Variants in CEP128 observed in about 807,000 individuals in gnomAD.
CEP128 encodes the protein centrosomal protein 128kDa.
In CEP128, 132 loss-of-function variants were observed where a neutral mutation model predicts 156.7. The observed-to-expected ratio is 0.84, with a 90% CI of 0.73 to 0.97. The LOEUF (loss-of-function observed/expected upper bound fraction) is 0.97. Among genes scored for constraint, CEP128 ranks in the 50% least tolerant of loss-of-function variants. CEP128 has a pLI of 0.00. For missense variants in CEP128, 1,252 were observed against 1,281.9 expected (o/e 0.98, Z 0.36); for synonymous variants, 469 against 448.9 (o/e 1.04, Z -0.57).
intron 18 of CEP128, among the ~76,000 whole-genome samples, chr14:80,755,726 G>T (rs1216110451): frequency 2.6e-5 from 4 of 152,158 alleles, no homozygotes; most frequent in Non-Finnish European, 5.9e-5. Context: ...GAGCTGTCCA[G>T]TCATAGTTCA....
At chr14:80,803,631 A>G (rs1448385286) in intron 13 of CEP128, among the ~76,000 whole-genome samples, 3 of 152,280 alleles carry the variant, frequency 2.0e-5, no homozygotes, top group South Asian at 2.1e-4. Flanking sequence ...GGGAAGAGAA[A>G]AAAGATCAAC....
At position 80,644,117 on chromosome 14, in the gene CEP128, G is replaced by A. The variant is rs143997793; in HGVS notation, c.2807-63694C>T. 1.2e-3 allele frequency among the ~76,000 whole-genome samples: 186 copies of A among 152,284 alleles called. 4 individuals carry two copies. In the Middle Eastern group the frequency reaches 0.024, roughly 19 times the overall value. The stretch of plus-strand genomic sequence containing the variant: ...AGCCAAGTAACGCTAAAGATTGCCA[G>A]CCACCACCAAAAGCTGAGACAAAGA... On this transcript the variant is annotated intron_variant, in intron 19 of 24. Transcript: ENST00000555265.
chr14:80,915,531 C>G (rs1407083682), intron 3 of CEP128, among the ~76,000 whole-genome samples: 1 of 151,946 alleles, frequency 6.6e-6, no homozygotes, highest in East Asian at 1.9e-4. Context: ...TCTTTTTTTC[C>G]CCTATAGCTG....
chr14:80,681,347 T>C (rs996551741), intron 19 of CEP128, among the ~76,000 whole-genome samples: 2 of 151,992 alleles, frequency 1.3e-5, no homozygotes, highest in Non-Finnish European at 2.9e-5. Context: ...CCACGAAAAA[T>C]CTGAATGTAG....
intron 19 of CEP128, among the ~76,000 whole-genome samples, chr14:80,619,689 C>G (rs1297437885): frequency 7.8e-6 from 1 of 128,230 alleles, no homozygotes; most frequent in Non-Finnish European, 1.6e-5. Flanking sequence ...GCAACAAGAG[C>G]AAAACTCTGT....
intron 3 of CEP128, among the ~76,000 whole-genome samples, chr14:80,914,994 T>A (rs1230765823): frequency 2.0e-5 from 3 of 152,206 alleles, no homozygotes; most frequent in Non-Finnish European, 4.4e-5. Context: ...CAAGAATTCA[T>A]ACTACAAAAT....
chr14:80,687,495 T>C (rs1039261880), intron 19 of CEP128, among the ~76,000 whole-genome samples: 3 of 151,994 alleles, frequency 2.0e-5, no homozygotes, highest in African/African-American at 7.2e-5. Context: ...GAAAACCAAA[T>C]ACCTCATATT....
chr14:80,696,193 A>C (rs1391096147), intron 19 of CEP128, among the ~76,000 whole-genome samples: 1 of 152,246 alleles, frequency 6.6e-6, no homozygotes, highest in African/African-American at 2.4e-5. Context: ...GAGACCGGAA[A>C]GACCTGCAAG....
At chr14:80,628,575 C>T (rs992509153) in intron 19 of CEP128, among the ~76,000 whole-genome samples, 8 of 152,162 alleles carry the variant, frequency 5.3e-5, no homozygotes, top group Admixed American at 2.6e-4. Context: ...TCCTAAAAAG[C>T]GTCCGCACAA....
At chr14:80,663,509 T>A (rs1003115370) in intron 19 of CEP128, among the ~76,000 whole-genome samples, 2 of 152,166 alleles carry the variant, frequency 1.3e-5, no homozygotes, top group Non-Finnish European at 2.9e-5. Context: ...GATCTGATAA[T>A]TTGCTATTTT....
chr14:80,637,028 G>A (rs1377484765), intron 19 of CEP128, among the ~76,000 whole-genome samples: 3 of 151,776 alleles, frequency 2.0e-5, no homozygotes, highest in Non-Finnish European at 4.4e-5. Flanking sequence ...GGAGGTTGTG[G>A]TGAGCCAAGA....
At chr14:80,531,162 T>C (rs915073946) in intron 21 of CEP128, among the ~76,000 whole-genome samples, 1 of 152,234 alleles carries the variant, frequency 6.6e-6, no homozygotes, top group Non-Finnish European at 1.5e-5. Context: ...TGATATGCTA[T>C]GAAACTTTCT....
In CEP128 at chr14:80,637,087, T is replaced by TA. The variant is rs1042460919; in HGVS notation, c.2807-56665dup. The stretch of plus-strand genomic sequence containing the variant: ...GACATCAAGAGCGAAACTCCGTCTT[T>TA]AAAAAAAAAAAAAAGAAAAGAAAAT... On this transcript the variant is annotated intron_variant, in intron 19 of 24. Transcript: ENST00000555265. 1.6e-3 allele frequency among the ~76,000 whole-genome samples: 195 copies of TA among 123,354 alleles called. 1 individual carries two copies. Among genetic ancestry groups the TA allele is most frequent in the Middle Eastern group, 3.9e-3 (1 of 256 alleles). The allele number at this position is 123,354 out of a possible 152,430, so 80.9% of individuals were successfully genotyped here.
chr14:80,514,685 G>A (rs934532016), intron 23 of CEP128: 3 of 414,858 alleles, frequency 7.2e-6, no homozygotes, highest in Non-Finnish European at 1.5e-5. Flanking sequence ...TCTCTGAAAG[G>A]TCACATATTT....
At position 80,693,498 on chromosome 14, in the gene CEP128, T is replaced by TGATTTTG. The variant is rs1367236185; in HGVS notation, c.2806+49576_2806+49577insCAAAATC. Among the ~76,000 whole-genome samples the TGATTTTG allele has an allele frequency of 1.5e-3, 226 of 152,278 alleles. 1 individual carries two copies. The highest frequency in any genetic ancestry group is 5.1e-3 in the African/African-American group (213 of 41,564). ...ATCTCAATCAAAATCTAATTTTTCC[T>TGATTTTG]ATATTAAACTTAATTTGAAAATTAA... On this transcript the variant is annotated intron_variant, in intron 19 of 24. Coordinates refer to ENST00000555265, the MANE Select transcript of CEP128 (RefSeq NM_152446.5).
chr14:80,703,477 T>A (rs1897139273), intron 19 of CEP128, among the ~76,000 whole-genome samples: 1 of 151,900 alleles, frequency 6.6e-6, no homozygotes, highest in African/African-American at 2.4e-5. Flanking sequence ...TTTAAAATTT[T>A]AAAAATCCAA....
chr14:80,630,545 T>C (rs1893918134), intron 19 of CEP128, among the ~76,000 whole-genome samples: 1 of 151,994 alleles, frequency 6.6e-6, no homozygotes, highest in Non-Finnish European at 1.5e-5. Flanking sequence ...AAGTCTGCCT[T>C]GGCAAGAAAT....
intron 8 of CEP128, among the ~76,000 whole-genome samples, chr14:80,880,638 C>T (rs898807294): frequency 5.3e-5 from 8 of 151,144 alleles, no homozygotes; most frequent in African/African-American, 1.9e-4. Flanking sequence ...GGGCGGATCA[C>T]GAGGTCAGGA....
chr14:80,655,822 C>A (rs1451740750), intron 19 of CEP128, among the ~76,000 whole-genome samples: 3 of 152,106 alleles, frequency 2.0e-5, no homozygotes, highest in Admixed American at 6.6e-5. Flanking sequence ...AAGCCAGATC[C>A]CTGTTTAAAA....
Sources: allele counts gnomAD v4.1 joint callset (sites outside exome capture counted in the v4.1 genomes callset), GRCh38; gene constraint gnomAD v4.1.1; transcripts MANE v1.5; gene names NCBI Gene and HGNC (gene_info 2026-07-23, HGNC 2026-07-21).